The following KIFAP3 variants were observed in gnomAD, a reference collection of about 807,000 sequenced individuals.
The protein encoded by KIFAP3 is kinesin associated protein 3.
In KIFAP3, 68 loss-of-function variants were observed where a neutral mutation model predicts 106.5. The ratio of observed to expected loss-of-function variants is 0.64; its 90% CI spans 0.53 to 0.78. The LOEUF is 0.78. KIFAP3 is among the 30% of genes least tolerant of loss of function. The pLI is 0.00. For synonymous variants in KIFAP3, 320 were observed against 311.5 expected (o/e 1.03, Z -0.29); for missense variants, 780 against 941.8 (o/e 0.83, Z 2.25).
At chr1:170,050,899 A>T (rs1476701556) in intron 2 of KIFAP3, among the ~76,000 whole-genome samples, 1 of 152,160 alleles carries the variant, frequency 6.6e-6, no homozygotes, top group African/African-American at 2.4e-5. Context: ...ACACCAAAAT[A>T]TAACGACCAA....
intron 1 of KIFAP3, among the ~76,000 whole-genome samples, chr1:170,063,503 C>A (rs1308452117): frequency 6.6e-6 from 1 of 152,180 alleles, no homozygotes; most frequent in East Asian, 1.9e-4. Flanking sequence ...CCTTGAAAAA[C>A]CCTAACTTCC....
intron 19 of KIFAP3, among the ~76,000 whole-genome samples, chr1:169,925,855 G>T (rs1663102631): frequency 6.6e-6 from 1 of 152,182 alleles, no homozygotes; most frequent in African/African-American, 2.4e-5. Flanking sequence ...GATGAAAAGT[G>T]CTGCATAAGT....
At chr1:170,066,110 T>C (rs1009729518) in intron 1 of KIFAP3, among the ~76,000 whole-genome samples, 5 of 152,154 alleles carry the variant, frequency 3.3e-5, no homozygotes, top group African/African-American at 1.2e-4. Flanking sequence ...GTTACCTTTT[T>C]TTTTTCACAA....
intron 1 of KIFAP3, among the ~76,000 whole-genome samples, chr1:170,063,888 C>A (rs1244413064): frequency 6.6e-6 from 1 of 152,048 alleles, no homozygotes; most frequent in Non-Finnish European, 1.5e-5. Flanking sequence ...AGGCATCTAT[C>A]CATGAAAATG....
intron 3 of KIFAP3, among the ~76,000 whole-genome samples, chr1:170,046,002 G>T (rs1670227933): frequency 6.6e-6 from 1 of 151,922 alleles, no homozygotes; most frequent in African/African-American, 2.4e-5. Flanking sequence ...GACCCTCATA[G>T]AGGAATGAAA....
Position 170,074,687 on chromosome 1 carries a change from G to C in KIFAP3, c.-220C>G. The C allele has an allele frequency of 7.1e-7, 1 of 1,415,904 alleles. No individual in the cohort carries two copies. The allele number at this position is 1,415,904 out of a possible 1,614,324, so 87.7% of individuals were successfully genotyped here. A position where few individuals can be genotyped will look rare whatever the true frequency, so the allele number is the denominator to read the frequency against. ...CACTGGAGCGGCCCAGACCCGCCCA[G>C]AGTCGCCTAAGCCGGGCCGTCACGA... is the stretch of plus-strand genomic sequence containing the variant. On this transcript the variant is annotated 5_prime_UTR_variant, in exon 1 of 20. Coordinates refer to ENST00000361580, the MANE Select transcript of KIFAP3 (RefSeq NM_014970.4).
intron 2 of KIFAP3, among the ~76,000 whole-genome samples, chr1:170,048,012 T>C (rs1300082245): frequency 6.6e-6 from 1 of 152,202 alleles, no homozygotes; most frequent in Non-Finnish European, 1.5e-5. Context: ...CTAATTTTTG[T>C]TGGAAGACAT....
chr1:170,016,760 A>C, intron 9 of KIFAP3, 136 bp from the exon 10 acceptor site: 1 of 513,328 alleles, frequency 1.9e-6, no homozygotes. Flanking sequence ...ACTCCATTTC[A>C]TTCTGTAAAC....
intron 10 of KIFAP3, among the ~76,000 whole-genome samples, chr1:170,005,804 A>G (rs1667927149): frequency 6.6e-6 from 1 of 151,396 alleles, no homozygotes. Context: ...ACATGTATAC[A>G]TATGTAACAA....
chr1:169,965,853 G>A (rs1005566262), intron 17 of KIFAP3, among the ~76,000 whole-genome samples: 1 of 151,866 alleles, frequency 6.6e-6, no homozygotes, highest in African/African-American at 2.4e-5. Context: ...AAATATCCAT[G>A]AGCATCCATG....
intron 12 of KIFAP3, among the ~76,000 whole-genome samples, 175 bp downstream of exon 12, chr1:169,984,407 G>C (rs117477929): frequency 6.6e-6 from 1 of 151,930 alleles, no homozygotes; most frequent in East Asian, 1.9e-4. Flanking sequence ...GTAAGTGTCT[G>C]CATTTATGAC....
intron 19 of KIFAP3, 70 bp downstream of exon 19, chr1:169,953,941 G>T: frequency 1.0e-6 from 1 of 987,852 alleles, no homozygotes. Flanking sequence ...GAAATGGAGA[G>T]TGAAGAGGAT....
At chr1:170,034,990 G>A (rs1484498733) in intron 6 of KIFAP3, among the ~76,000 whole-genome samples, 1 of 151,780 alleles carries the variant, frequency 6.6e-6, no homozygotes, top group African/African-American at 2.4e-5. Flanking sequence ...CAATTATCTA[G>A]GAATTGGGTA....
intron 1 of KIFAP3, among the ~76,000 whole-genome samples, chr1:170,059,490 T>C (rs1397591209): frequency 1.3e-5 from 2 of 151,926 alleles, no homozygotes; most frequent in East Asian, 3.9e-4. Context: ...AACAGACCAA[T>C]AACCAATAGG....
intron 2 of KIFAP3, among the ~76,000 whole-genome samples, chr1:170,052,672 G>C (rs1201741935): frequency 6.6e-6 from 1 of 152,172 alleles, no homozygotes; most frequent in Non-Finnish European, 1.5e-5. Context: ...TCCCTGGGAC[G>C]CAAGGCTGGT....
chr1:170,074,753 G>A, upstream of KIFAP3: 1 of 1,306,950 alleles, frequency 7.7e-7, no homozygotes, highest in Non-Finnish European at 9.8e-7. Flanking sequence ...CGCAGGCTCA[G>A]TCTGAGGCGG....
intron 13 of KIFAP3, 47 bp downstream of exon 13, chr1:169,983,223 A>G: frequency 4.6e-6 from 5 of 1,086,978 alleles, no homozygotes; most frequent in Admixed American, 2.1e-5. Context: ...AAATGTAGCA[A>G]TTTCAATTCC....
At position 170,042,032 on chromosome 1, in the gene KIFAP3, A is replaced by C. The variant is rs183634990; in HGVS notation, c.320-2744T>G. 16 of 183,222 alleles carry C rather than the reference A, an allele frequency of 8.7e-5. No individual in the cohort carries two copies. In the Admixed American group the frequency reaches 9.8e-4, roughly 11 times the overall value. The allele number at this position is 183,222 out of a possible 1,614,324, so 11.3% of individuals were successfully genotyped here. ...TGTGGGGAACCCAGAAGGAAACATT[A>C]GCAGAAGTTCAATGTGCCTAACGGG... On this transcript the variant is annotated intron_variant, in intron 3 of 19. Coordinates refer to ENST00000361580, the MANE Select transcript of KIFAP3 (RefSeq NM_014970.4).
chr1:169,959,134 A>C (rs1665182956), intron 18 of KIFAP3, among the ~76,000 whole-genome samples: 1 of 152,198 alleles, frequency 6.6e-6, no homozygotes, highest in Non-Finnish European at 1.5e-5. Flanking sequence ...ATTTTCAGGG[A>C]GACGCAGAGG....
Sources: gnomAD v4.1 joint callset for allele counts (sites outside exome capture counted in the v4.1 genomes callset) on GRCh38, gnomAD v4.1.1 for gene constraint, MANE v1.5 for transcripts, NCBI Gene and HGNC (gene_info 2026-07-23, HGNC 2026-07-21) for gene names.